GALNT13: variants seen among roughly 807,000 people sequenced by gnomAD.
The protein encoded by GALNT13 is UDP-GalNAc:polypeptide N-acetylgalactosaminyltransferase 13.
Under a neutral mutation model 64.2 loss-of-function variants are expected in GALNT13, and 28 were observed. The observed-to-expected ratio is 0.44, with a 90% CI of 0.32 to 0.60. The LOEUF is 0.60. GALNT13 is among the 20% of genes least tolerant of loss of function. The probability of loss-of-function intolerance (pLI) is 0.05; values close to 1 mark genes in which losing one functional copy is unlikely to be tolerated. For synonymous variants in GALNT13, 214 were observed against 224.6 expected (o/e 0.95, Z 0.42); for missense variants, 577 against 669.8 (o/e 0.86, Z 1.53).
chr2:154,228,838 G>T (rs765633317), intron 4 of GALNT13, among the ~76,000 whole-genome samples: 6 of 152,186 alleles, frequency 3.9e-5, no homozygotes, highest in East Asian at 1.9e-4. Flanking sequence ...TGAGAGGCTT[G>T]AAGGTCCTTT....
the GALNT13 span, among the ~76,000 whole-genome samples, chr2:153,401,788 T>C: frequency 5.5e-4 from 83 of 151,486 alleles, no homozygotes; most frequent in African/African-American, 1.5e-3. Context: ...GGTAGATCTT[T>C]CTCCATCCTT....
intron 4 of GALNT13, among the ~76,000 whole-genome samples, chr2:154,166,175 C>T (rs1347163650): frequency 2.6e-5 from 4 of 152,090 alleles, no homozygotes; most frequent in Admixed American, 2.0e-4. Flanking sequence ...GAGGCTGAGG[C>T]GGGTGGATCA....
chr2:153,855,379 T>C, the GALNT13 span, among the ~76,000 whole-genome samples: 1 of 152,082 alleles, frequency 6.6e-6, no homozygotes, highest in Non-Finnish European at 1.5e-5. Context: ...AGTAATCTGA[T>C]GAAAAATGGA....
At chr2:153,660,382 A>G in the GALNT13 span, among the ~76,000 whole-genome samples, 635 of 152,134 alleles carry the variant, frequency 4.2e-3, 6 homozygotes, top group African/African-American at 0.015. Flanking sequence ...GTTAACTAGC[A>G]TAAGGACTTT....
chr2:154,052,785 G>A, intron 3 of GALNT13, among the ~76,000 whole-genome samples: 1 of 145,214 alleles, frequency 6.9e-6, no homozygotes, highest in East Asian at 2.0e-4. Flanking sequence ...TGCCCAGGCT[G>A]GAGTGCAGTG....
At chr2:153,297,046 T>C in the GALNT13 span, among the ~76,000 whole-genome samples, 2 of 152,182 alleles carry the variant, frequency 1.3e-5, no homozygotes, top group Admixed American at 1.3e-4. Context: ...GAAAAAGAAT[T>C]CCTAACAAAG....
At chr2:154,077,048 TA>T (rs976743725) in intron 3 of GALNT13, among the ~76,000 whole-genome samples, 2 of 151,682 alleles carry the variant, frequency 1.3e-5, no homozygotes, top group African/African-American at 4.8e-5. Context: ...ATAATAGTTG[TA>T]AAGTTTGAAT....
At chr2:153,247,125 A>G in the GALNT13 span, among the ~76,000 whole-genome samples, 1 of 152,218 alleles carries the variant, frequency 6.6e-6, no homozygotes, top group South Asian at 2.1e-4. Context: ...ATACAGAAGC[A>G]CCTAGATTCA....
At chr2:153,394,962 A>G in the GALNT13 span, among the ~76,000 whole-genome samples, 1 of 152,016 alleles carries the variant, frequency 6.6e-6, no homozygotes, top group Non-Finnish European at 1.5e-5. Context: ...TCCGATCCCA[A>G]GCTTTCTCAC....
At chr2:153,339,664 G>A in the GALNT13 span, among the ~76,000 whole-genome samples, 33 of 152,066 alleles carry the variant, frequency 2.2e-4, no homozygotes, top group Admixed American at 1.6e-3. Flanking sequence ...TGCTTTTGAG[G>A]TAATATCCAA....
chr2:153,442,396 C>T, the GALNT13 span, among the ~76,000 whole-genome samples: 2 of 152,048 alleles, frequency 1.3e-5, no homozygotes, highest in African/African-American at 2.4e-5. Flanking sequence ...GGGATATTTG[C>T]CTGAAATTTT....
chr2:153,252,133 T>G, the GALNT13 span, among the ~76,000 whole-genome samples: 1 of 147,690 alleles, frequency 6.8e-6, no homozygotes, highest in Non-Finnish European at 1.5e-5. Context: ...CCAGCACCTG[T>G]TGTTTCCTGA....
chr2:153,788,854 AG>A, the GALNT13 span, among the ~76,000 whole-genome samples: 1 of 152,180 alleles, frequency 6.6e-6, no homozygotes, highest in South Asian at 2.1e-4. Flanking sequence ...AAAGGCAAAA[AG>A]GGCATTACAT....
At chr2:153,748,824 G>GCAC in the GALNT13 span, among the ~76,000 whole-genome samples, 1 of 151,770 alleles carries the variant, frequency 6.6e-6, no homozygotes, top group African/African-American at 2.4e-5. Flanking sequence ...TGCTCATGAG[G>GCAC]CACTATTCAA....
intron 4 of GALNT13, among the ~76,000 whole-genome samples, chr2:154,156,278 A>G (rs1684417137): frequency 6.6e-6 from 1 of 152,120 alleles, no homozygotes; most frequent in African/African-American, 2.4e-5. Flanking sequence ...AGTAAAATTC[A>G]CATTTTATAT....
chr2:153,244,005 C>A, the GALNT13 span, among the ~76,000 whole-genome samples: 1 of 150,174 alleles, frequency 6.7e-6, no homozygotes, highest in Admixed American at 6.6e-5. Context: ...TAAAGATGCA[C>A]TAATGCAAAC....
chr2:154,202,812 A>G (rs767363671), intron 4 of GALNT13, among the ~76,000 whole-genome samples: 13 of 152,164 alleles, frequency 8.5e-5, no homozygotes, highest in East Asian at 3.9e-4. Context: ...AATGACTACC[A>G]TCGGTGATTC....
At chr2:153,365,922 C>T in the GALNT13 span, among the ~76,000 whole-genome samples, 1 of 152,130 alleles carries the variant, frequency 6.6e-6, no homozygotes, top group Admixed American at 6.6e-5. Context: ...AATCATTCTA[C>T]TATAAAGACA....
At chr2:154,158,305 A>G (rs1684541487) in intron 4 of GALNT13, among the ~76,000 whole-genome samples, 1 of 152,156 alleles carries the variant, frequency 6.6e-6, no homozygotes, top group African/African-American at 2.4e-5. Flanking sequence ...AGGCCAAACC[A>G]GGAAGTCTCA....
Sources: gnomAD v4.1 joint callset for allele counts (sites outside exome capture counted in the v4.1 genomes callset) on GRCh38, gnomAD v4.1.1 for gene constraint, MANE v1.5 for transcripts, NCBI Gene and HGNC (gene_info 2026-07-23, HGNC 2026-07-21) for gene names.